NSMCE2: variants seen among roughly 807,000 people sequenced by gnomAD.
The protein encoded by NSMCE2 is NSE2 SUMO ligase component of SMC5/6 complex.
A neutral mutation model predicts 23.8 loss-of-function variants in NSMCE2; 24 were observed. The ratio of observed to expected loss-of-function variants is 1.01; its 90% CI spans 0.73 to 1.42. NSMCE2 has a LOEUF of 1.42. NSMCE2 is among the 40% of genes most tolerant of loss of function. The pLI, the probability that NSMCE2 is intolerant of heterozygous loss-of-function variation, is 0.00. For synonymous variants in NSMCE2, 92 were observed against 94.1 expected, an observed-to-expected ratio of 0.98 and a Z score of 0.13; for missense variants, 284 against 296.5, an observed-to-expected ratio of 0.96 and a Z score of 0.31.
chr8:125,330,156 A>C (rs937049483), intron 5 of NSMCE2, among the ~76,000 whole-genome samples: 3 of 149,096 alleles, frequency 2.0e-5, no homozygotes, highest in African/African-American at 7.4e-5. Flanking sequence ...AGGGAAAAAC[A>C]GAACTAACTT....
intron 5 of NSMCE2, among the ~76,000 whole-genome samples, chr8:125,291,926 C>T (rs757066671): frequency 2.6e-5 from 4 of 151,992 alleles, no homozygotes; most frequent in Non-Finnish European, 5.9e-5. Context: ...GGTGTTTGTT[C>T]CATAAATTTA....
chr8:125,272,014 CTTTTT>C (rs563967898), intron 5 of NSMCE2, among the ~76,000 whole-genome samples: 1 of 130,176 alleles, frequency 7.7e-6, no homozygotes. Context: ...CAGTTTCTTT[CTTTTT>C]TTTTTTTTTT....
chr8:125,327,092 A>G (rs970263583), intron 5 of NSMCE2, among the ~76,000 whole-genome samples: 9 of 151,016 alleles, frequency 6.0e-5, no homozygotes, highest in Non-Finnish European at 1.3e-4. Context: ...GTAAAACCCC[A>G]TCTCTACTAA....
intron 5 of NSMCE2, among the ~76,000 whole-genome samples, chr8:125,279,872 C>A (rs1029212243): frequency 6.6e-6 from 1 of 152,150 alleles, no homozygotes; most frequent in Non-Finnish European, 1.5e-5. Flanking sequence ...ATTTTCATTC[C>A]TTTGTTATTA....
chr8:125,332,519 G>A (rs1023868563), intron 5 of NSMCE2, among the ~76,000 whole-genome samples: 7 of 152,154 alleles, frequency 4.6e-5, no homozygotes, highest in Non-Finnish European at 1.5e-5. Flanking sequence ...CGTAGAAGCT[G>A]GTGCATAGTA....
At chr8:125,169,031 C>T (rs1300364031) in intron 4 of NSMCE2, among the ~76,000 whole-genome samples, 4 of 152,194 alleles carry the variant, frequency 2.6e-5, no homozygotes, top group Admixed American at 1.3e-4. Flanking sequence ...AGTAACAAAT[C>T]CAGAGAATAT....
intron 5 of NSMCE2, among the ~76,000 whole-genome samples, chr8:125,349,614 G>T (rs1344724394): frequency 6.6e-6 from 1 of 150,556 alleles, no homozygotes; most frequent in South Asian, 2.1e-4. Flanking sequence ...GAAAAGAAAA[G>T]AAATGTTCCA....
chr8:125,217,916 A>G (rs1297405552), intron 5 of NSMCE2, among the ~76,000 whole-genome samples: 1 of 151,646 alleles, frequency 6.6e-6, no homozygotes, highest in Non-Finnish European at 1.5e-5. Context: ...CCGTTGTACT[A>G]GGATAGAAAA....
intron 7 of NSMCE2, among the ~76,000 whole-genome samples, chr8:125,360,747 A>G (rs755766989): frequency 4.7e-4 from 71 of 152,172 alleles, no homozygotes; most frequent in Non-Finnish European, 9.0e-4. Context: ...CATGATGCAC[A>G]TTAGAGTGAT....
intron 4 of NSMCE2, among the ~76,000 whole-genome samples, chr8:125,178,411 G>A (rs1260937758): frequency 2.0e-5 from 3 of 152,162 alleles, no homozygotes; most frequent in South Asian, 4.1e-4. Flanking sequence ...TATCATGTAA[G>A]TATGGTACCT....
intron 5 of NSMCE2, among the ~76,000 whole-genome samples, chr8:125,221,589 C>T (rs751205261): frequency 4.6e-5 from 7 of 152,170 alleles, no homozygotes; most frequent in Non-Finnish European, 8.8e-5. Flanking sequence ...GTATCACTTA[C>T]GTGAAATGCT....
chr8:125,218,696 G>A (rs1443842933), intron 5 of NSMCE2, among the ~76,000 whole-genome samples: 1 of 152,138 alleles, frequency 6.6e-6, no homozygotes, highest in Non-Finnish European at 1.5e-5. Context: ...ATAGGTGTGA[G>A]CCACTGCGCC....
At chr8:125,215,856 G>A (rs147526863) in intron 5 of NSMCE2, among the ~76,000 whole-genome samples, 52 of 152,196 alleles carry the variant, frequency 3.4e-4, no homozygotes, top group African/African-American at 8.7e-4. Context: ...ATATTTGTGC[G>A]TTTATCACTT....
intron 5 of NSMCE2, among the ~76,000 whole-genome samples, chr8:125,324,965 G>T (rs1032679197): frequency 4.6e-5 from 7 of 152,112 alleles, no homozygotes; most frequent in Non-Finnish European, 5.9e-5. Flanking sequence ...GCCTGAAAGT[G>T]CAGAGGATAG....
chr8:125,182,147 G>A lies in NSMCE2; in HGVS notation c.309G>A (p.Leu103=), dbSNP rs200558318. The A allele has an allele frequency of 1.0e-5, 16 of 1,602,440 alleles. No homozygotes were observed. The East Asian group carries it at 3.6e-4, about 36-fold the overall frequency. The change falls in exon 5 of 8, where the codon TTG becomes TTA. Residue 103 remains leucine (L), a synonymous_variant. Transcript: ENST00000287437. ...RPEKIPDLKL[L]VEKKFLALQS... is the part of the protein sequence containing the mutation. ...AAAAAATACCAGATTTAAAATTATT[G>A]GTAGAGAAGAAATTTTTGGCTTTAC... is the stretch of plus-strand genomic sequence containing the variant.
intron 5 of NSMCE2, among the ~76,000 whole-genome samples, chr8:125,280,213 A>G (rs1169629933): frequency 6.6e-6 from 1 of 152,202 alleles, no homozygotes; most frequent in African/African-American, 2.4e-5. Context: ...TAGAAGAGTT[A>G]CAACTCCCTC....
chr8:125,217,184 T>G (rs1824626120), intron 5 of NSMCE2, among the ~76,000 whole-genome samples: 1 of 152,188 alleles, frequency 6.6e-6, no homozygotes. Context: ...CTAGGAGGCA[T>G]GTGTTTTGAA....
chr8:125,241,555 A>G (rs1454673519), intron 5 of NSMCE2, among the ~76,000 whole-genome samples: 1 of 152,242 alleles, frequency 6.6e-6, no homozygotes, highest in Non-Finnish European at 1.5e-5. Flanking sequence ...TTTATGTGTC[A>G]TATTGAGAAA....
intron 1 of NSMCE2, among the ~76,000 whole-genome samples, chr8:125,097,942 G>A (rs1310816055): frequency 6.6e-6 from 1 of 152,066 alleles, no homozygotes; most frequent in Admixed American, 6.5e-5. Flanking sequence ...AACCCTTCCT[G>A]CTTTTTTCTG....
Sources: gnomAD v4.1 joint callset for allele counts (sites outside exome capture counted in the v4.1 genomes callset) on GRCh38, gnomAD v4.1.1 for gene constraint, MANE v1.5 for transcripts, NCBI Gene and HGNC (gene_info 2026-07-23, HGNC 2026-07-21) for gene names.